The following ADCY5 variants were observed in gnomAD, a reference collection of about 807,000 sequenced individuals.
ADCY5 encodes the protein adenylate cyclase 5.
In ADCY5, 30 loss-of-function variants were observed where a neutral mutation model predicts 119.7. That is an observed-to-expected ratio of 0.25 (90% CI 0.19 to 0.34). The LOEUF is 0.34. Ranked by LOEUF, ADCY5 falls within the 10% of genes least tolerant of loss-of-function variation. ADCY5 has a pLI of 1.00. For synonymous variants in ADCY5, 753 were observed against 762.2 expected (o/e 0.99, Z 0.20); for missense variants, 1,324 against 1,775.2 (o/e 0.75, Z 4.57).
chr3:123,310,103 T>TACACACACACAC (rs60966110), intron 12 of ADCY5, among the ~76,000 whole-genome samples: 1,464 of 121,164 alleles, frequency 0.012, 28 homozygotes, highest in East Asian at 0.051. Flanking sequence ...GAGAGAGATT[T>TACACACACACAC]ACACACACAC....
intron 11 of ADCY5, 100 bp from the exon 12 acceptor site, chr3:123,314,422 C>CCATCCTCA (rs957951098): frequency 4.6e-6 from 4 of 872,984 alleles, no homozygotes; most frequent in African/African-American, 1.7e-5. Flanking sequence ...TCCCCCGTGC[C>CCATCCTCA]CATCCTCACA....
chr3:123,435,778 T>G (rs1292983806), intron 1 of ADCY5, among the ~76,000 whole-genome samples: 2 of 151,318 alleles, frequency 1.3e-5, no homozygotes, highest in Non-Finnish European at 2.9e-5. Context: ...CTCAGCACTT[T>G]GGGAGGCCAA....
Position 123,447,704 on chromosome 3 carries a change from A to G in ADCY5, c.842T>C (p.Ile281Thr). 6.2e-7 allele frequency: 1 copy of G among 1,601,546 alleles called. No homozygotes were observed. The highest frequency in any genetic ancestry group is 8.5e-7 in the Non-Finnish European group (1 of 1,172,532). ...GTTGCAAAGCACAGCCATGATGAGG[A>G]TCACGCCGACGGCGGCCGCCAGCAC... The part of the protein sequence containing the change: ...LAVLAAAVGV[I>T]LIMAVLCNRA... The change falls in exon 1 of 21, where the codon ATC becomes ACC. Residue 281 changes from isoleucine to threonine, a missense_variant. Coordinates refer to ENST00000462833, the MANE Select transcript of ADCY5 (RefSeq NM_183357.3).
At chr3:123,368,714 T>A in intron 1 of ADCY5, among the ~76,000 whole-genome samples, 1 of 147,996 alleles carries the variant, frequency 6.8e-6, no homozygotes, top group Non-Finnish European at 1.5e-5. Context: ...ATGGTGCCAC[T>A]GCACTCCAGC....
intron 1 of ADCY5, among the ~76,000 whole-genome samples, chr3:123,438,860 C>T (rs1289655431): frequency 1.3e-5 from 2 of 152,054 alleles, no homozygotes; most frequent in Non-Finnish European, 2.9e-5. Context: ...GATCCTTCCA[C>T]CTCAGCCTCC....
At chr3:123,378,331 G>A (rs935188353) in intron 1 of ADCY5, among the ~76,000 whole-genome samples, 3 of 151,876 alleles carry the variant, frequency 2.0e-5, no homozygotes, top group South Asian at 4.2e-4. Flanking sequence ...TGACTCTAAC[G>A]TGCTATTCTA....
At chr3:123,367,684 GA>G (rs1943494610) in intron 1 of ADCY5, among the ~76,000 whole-genome samples, 1 of 152,076 alleles carries the variant, frequency 6.6e-6, no homozygotes, top group Non-Finnish European at 1.5e-5. Flanking sequence ...GGGGCGGGAA[GA>G]AGGAGCCCAC....
intron 1 of ADCY5, among the ~76,000 whole-genome samples, chr3:123,431,468 G>C (rs1029445765): frequency 4.6e-5 from 7 of 152,316 alleles, no homozygotes; most frequent in Admixed American, 3.3e-4. Flanking sequence ...ATGAGAGAGA[G>C]GAGGAAAGAG....
At chr3:123,338,802 C>G (rs910740009) in intron 3 of ADCY5, among the ~76,000 whole-genome samples, 7 of 152,230 alleles carry the variant, frequency 4.6e-5, no homozygotes, top group African/African-American at 1.7e-4. Flanking sequence ...CTTTCCAAAC[C>G]ACGTGCACTT....
rs1942482491 is a variant in ADCY5 at position 123,345,372 on chromosome 3, A to G, written c.1406+2410T>C. Among the ~76,000 whole-genome samples the G allele has an allele frequency of 2.0e-5, 3 of 152,246 alleles. No individual in the cohort carries two copies. The South Asian group carries it at 6.2e-4, about 31-fold the overall frequency. On this transcript the variant is annotated intron_variant, in intron 3 of 20. Coordinates refer to ENST00000462833, the MANE Select transcript of ADCY5 (RefSeq NM_183357.3). Reference sequence around the variant, plus strand: ...AGGTGCTAGACTGCTTCTGAGCAGCAAATTTTCTGGATTTCCTTTGTGTTC... The same window carrying G: ...AGGTGCTAGACTGCTTCTGAGCAGCGAATTTTCTGGATTTCCTTTGTGTTC...
chr3:123,408,433 G>A (rs1275222485), intron 1 of ADCY5, among the ~76,000 whole-genome samples: 17 of 151,146 alleles, frequency 1.1e-4, no homozygotes, highest in African/African-American at 3.4e-4. Context: ...CGAGGTGGGC[G>A]GATCACGAGG....
chr3:123,331,946 C>T (rs1298929249), intron 4 of ADCY5, among the ~76,000 whole-genome samples: 2 of 152,176 alleles, frequency 1.3e-5, no homozygotes, highest in South Asian at 2.1e-4. Context: ...TGTGTCCACC[C>T]GTCAGTGGCC....
intron 1 of ADCY5, among the ~76,000 whole-genome samples, chr3:123,368,406 G>A (rs974865162): frequency 6.6e-6 from 1 of 152,192 alleles, no homozygotes; most frequent in South Asian, 2.1e-4. Flanking sequence ...GACCAGCCTG[G>A]CCAACATGGC....
intron 10 of ADCY5, among the ~76,000 whole-genome samples, chr3:123,318,359 G>T (rs185635341): frequency 6.6e-6 from 1 of 152,238 alleles, no homozygotes; most frequent in East Asian, 1.9e-4. Flanking sequence ...CTGCAGGTGG[G>T]TCACCTTCAG....
In ADCY5 at chr3:123,327,607, A is replaced by C. The variant is rs1245674132; in HGVS notation, c.1947+11T>G. 6.2e-7 allele frequency: 1 copy of C among 1,611,096 alleles called. No individual in the cohort carries two copies. Among genetic ancestry groups the C allele is most frequent in the East Asian group, 2.2e-5 (1 of 44,772 alleles). ...GGAGCCCCTCAGCCCCCCGGCCCCCAGCCCACAGACCCGCTTCTGGGTGCA... is the reference window on the plus strand; with the variant it reads ...GGAGCCCCTCAGCCCCCCGGCCCCCCGCCCACAGACCCGCTTCTGGGTGCA... On this transcript the variant is annotated intron_variant, in intron 7 of 20. Coordinates refer to ENST00000462833, the MANE Select transcript of ADCY5 (RefSeq NM_183357.3).
At chr3:123,322,347 C>T (rs146658182) in intron 8 of ADCY5, among the ~76,000 whole-genome samples, 2 of 152,284 alleles carry the variant, frequency 1.3e-5, no homozygotes, top group Admixed American at 6.5e-5. Context: ...TGACCTTTCC[C>T]GATGCTCCTT....
At chr3:123,396,344 A>G (rs1944563084) in intron 1 of ADCY5, among the ~76,000 whole-genome samples, 1 of 143,856 alleles carries the variant, frequency 7.0e-6, no homozygotes, top group South Asian at 2.4e-4. Flanking sequence ...AAAAGAGAAG[A>G]AAAAGAGAGA....
At chr3:123,434,997 C>T (rs1945582651) in intron 1 of ADCY5, among the ~76,000 whole-genome samples, 1 of 152,142 alleles carries the variant, frequency 6.6e-6, no homozygotes, top group African/African-American at 2.4e-5. Context: ...AATAAGTGAG[C>T]ACTGAGGCTG....
At chr3:123,373,999 G>A (rs1235878664) in intron 1 of ADCY5, among the ~76,000 whole-genome samples, 1 of 152,138 alleles carries the variant, frequency 6.6e-6, no homozygotes, top group African/African-American at 2.4e-5. Flanking sequence ...ACAGTACATG[G>A]GCAGCACCAT....
Sources: gnomAD v4.1 joint callset for allele counts (sites outside exome capture counted in the v4.1 genomes callset) on GRCh38, gnomAD v4.1.1 for gene constraint, MANE v1.5 for transcripts, NCBI Gene and HGNC (gene_info 2026-07-23, HGNC 2026-07-21) for gene names.